The following CSF1 variants were observed in gnomAD, a reference collection of about 807,000 sequenced individuals.
CSF1 encodes macrophage colony-stimulating factor 1.
In CSF1, 9 loss-of-function variants were observed where a neutral mutation model predicts 48.9. That is an observed-to-expected ratio of 0.18 (90% CI 0.11 to 0.32). The LOEUF (loss-of-function observed/expected upper bound fraction) is 0.32, where lower values mean the gene tolerates loss of function less well. CSF1 is among the 10% of genes least tolerant of loss of function. The probability of loss-of-function intolerance (pLI) is 1.00; values close to 1 mark genes in which losing one functional copy is unlikely to be tolerated. For synonymous variants in CSF1, 305 were observed against 284.1 expected, an observed-to-expected ratio of 1.07 and a Z score of -0.74; for missense variants, 672 against 697.9, an observed-to-expected ratio of 0.96 and a Z score of 0.42.
In CSF1 at chr1:109,911,029, C is replaced by T; in HGVS notation, c.6C>T (p.Thr2=). ...GCCGGGACCCAGCTGCCCGTATGAC[C>T]GCGCCGGGCGCCGCCGGGCGCTGCC... M[T]APGAAGRCPP... The change falls in exon 1 of 9, where the codon ACC becomes ACT. Residue 2 remains threonine, a synonymous_variant. Transcript: ENST00000329608. 8.7e-7 allele frequency: 1 copy of T among 1,154,384 alleles called. No individual in the cohort carries two copies. Among genetic ancestry groups the T allele is most frequent in the Non-Finnish European group, 1.1e-6 (1 of 938,624 alleles). 71.5% of individuals were successfully genotyped at this position (1,154,384 alleles called of 1,614,324 possible).
At chr1:109,926,775 C>T (rs1416742391) in intron 8 of CSF1, 1 of 152,214 alleles carries the variant, frequency 6.6e-6, no homozygotes. Context: ...TTTTTAAAAT[C>T]TTATTTTATA....
chr1:109,915,394 C>T (rs568961923), intron 2 of CSF1, among the ~76,000 whole-genome samples: 2 of 152,280 alleles, frequency 1.3e-5, no homozygotes, highest in East Asian at 3.9e-4. Flanking sequence ...GGGCATTTGT[C>T]AGATTTCGTG....
chr1:109,927,371 T>C (rs1363407325), intron 8 of CSF1, among the ~76,000 whole-genome samples: 2 of 152,152 alleles, frequency 1.3e-5, no homozygotes, highest in Admixed American at 6.5e-5. Flanking sequence ...GGGTCTACCT[T>C]GTCAGTGGGG....
chr1:109,924,955 G>T lies in CSF1; in HGVS notation c.1622+127G>T. ...TGGAGCTGCAGAACAGGATGGGGGA[G>T]AGAAGAAGGGCCTCTGTCCTTTCCC... On this transcript the variant is annotated intron_variant, in intron 7 of 8. Transcript: ENST00000329608. The T allele has an allele frequency of 2.8e-6, 3 of 1,054,006 alleles. No homozygotes were observed. The East Asian group carries it at 7.6e-5, about 27-fold the overall frequency. 65.3% of individuals were successfully genotyped at this position (1,054,006 alleles called of 1,614,324 possible).
chr1:109,925,045 G>A, intron 7 of CSF1, 102 bp from the exon 8 acceptor site: 1 of 1,160,570 alleles, frequency 8.6e-7, no homozygotes, highest in Non-Finnish European at 1.3e-6. Flanking sequence ...TTCAATCTGA[G>A]AGGGCCTAGA....
chr1:109,921,803 G>A (rs1184259010), intron 4 of CSF1, 44 bp from the exon 5 acceptor site: 5 of 1,507,130 alleles, frequency 3.3e-6, no homozygotes, highest in African/African-American at 2.8e-5. Context: ...GAGACATGGG[G>A]CCAATGGTCA....
At chr1:109,914,454 C>T in intron 2 of CSF1, 73 bp downstream of exon 2, 1 of 1,492,358 alleles carries the variant, frequency 6.7e-7, no homozygotes, top group Admixed American at 2.2e-5. Context: ...GGGAGCAGGT[C>T]AAAGAGAGCA....
Position 109,923,271 on chromosome 1 carries a change from C to T in CSF1, c.650C>T (p.Pro217Leu). The T allele has an allele frequency of 1.2e-6, 2 of 1,611,922 alleles. No homozygotes were observed. Among genetic ancestry groups the T allele is most frequent in the Non-Finnish European group, 1.7e-6 (2 of 1,178,892 alleles). The change falls in exon 6 of 9, where the codon CCT (proline) becomes CTT (leucine). Residue 217 changes from proline to leucine, a missense_variant. Physicochemically the swap from Pro to Leu is moderately conservative, Grantham distance 98. This residue lies in a region of CSF1 where 591 missense variants were observed against 593.6 expected (regional missense o/e 1.00). Coordinates refer to ENST00000329608, the MANE Select transcript of CSF1 (RefSeq NM_000757.6). The stretch of plus-strand genomic sequence containing the variant: ...CAGCCCCTCGCCCCCTCCATGGCCC[C>T]TGTGGCTGGCTTGACCTGGGAGGAC... Reference protein sequence around the residue: ...PHQPLAPSMAPVAGLTWEDSE... With the variant: ...PHQPLAPSMALVAGLTWEDSE...
intron 3 of CSF1, 74 bp from the exon 4 acceptor site, chr1:109,917,219 C>T: frequency 1.3e-6 from 2 of 1,514,578 alleles, no homozygotes; most frequent in South Asian, 2.5e-5. Context: ...AAGCTGCAAC[C>T]CTCCATCTGC....
chr1:109,912,873 TC>T (rs1395090903), intron 1 of CSF1, among the ~76,000 whole-genome samples: 2 of 151,054 alleles, frequency 1.3e-5, no homozygotes, highest in African/African-American at 4.9e-5. Flanking sequence ...GTGACTGCCG[TC>T]CCCCTCTTCC....
chr1:109,917,654 T>A (rs907698094), intron 4 of CSF1, among the ~76,000 whole-genome samples, 191 bp downstream of exon 4: 4 of 152,190 alleles, frequency 2.6e-5, no homozygotes, highest in Admixed American at 1.3e-4. Context: ...GCCCTGACAA[T>A]GTCATCATGA....
In CSF1 at chr1:109,910,894, C is replaced by T; in HGVS notation, c.-130C>T. On this transcript the variant is annotated 5_prime_UTR_variant, in exon 1 of 9. Transcript: ENST00000329608. Reference sequence around the variant, plus strand: ...TGAAAGTTTGCCTGGGTCCTCTCGGCGCCAGAGCCGCTCTCCGCATCCCAG... The same window carrying T: ...TGAAAGTTTGCCTGGGTCCTCTCGGTGCCAGAGCCGCTCTCCGCATCCCAG... 1 of 598,750 alleles carries T rather than the reference C, an allele frequency of 1.7e-6. No homozygotes were observed. The highest frequency in any genetic ancestry group is 2.2e-6 in the Non-Finnish European group (1 of 455,292). The allele number at this position is 598,750 out of a possible 1,614,324, so 37.1% of individuals were successfully genotyped here. A position where few individuals can be genotyped will look rare whatever the true frequency, so the allele number is the denominator to read the frequency against.
rs749554501 is a variant in CSF1, at chr1:109,924,063, A to T, written c.1442A>T (p.His481Leu). ...TCCGTTCCTTTGACTGACACAGGCCATGAGAGGCAGTCCGAGGGATCCTTC... is the reference window on the plus strand; with the variant it reads ...TCCGTTCCTTTGACTGACACAGGCCTTGAGAGGCAGTCCGAGGGATCCTTC... Reference protein sequence around the residue: ...FNSVPLTDTGHERQSEGSFSP... With the variant: ...FNSVPLTDTGLERQSEGSFSP... The change falls in exon 6 of 9, where the codon CAT becomes CTT. Residue 481 changes from histidine to leucine, a missense_variant. This residue lies in a region of CSF1 where 591 missense variants were observed against 593.6 expected (regional missense o/e 1.00). Transcript: ENST00000329608. 2 of 1,614,226 alleles carry T rather than the reference A, an allele frequency of 1.2e-6. No individual in the cohort carries two copies. Among genetic ancestry groups the T allele is most frequent in the East Asian group, 4.5e-5 (2 of 44,876 alleles).
At chr1:109,919,048 T>C (rs777965183) in intron 4 of CSF1, among the ~76,000 whole-genome samples, 2 of 151,730 alleles carry the variant, frequency 1.3e-5, no homozygotes, top group Non-Finnish European at 2.9e-5. Flanking sequence ...TAAAAAAGCG[T>C]TGAGAAATCA....
At position 109,910,972 on chromosome 1, in the gene CSF1, G is replaced by C. The variant is rs572084516; in HGVS notation, c.-52G>C. ...GCCCACTCCGCAGCAGCCAGCGAGC[G>C]AGCGAGCGAGCGAGGGCGGCCGACG... On this transcript the variant is annotated 5_prime_UTR_variant, in exon 1 of 9. Transcript: ENST00000329608. 5.9e-4 allele frequency: 678 copies of C among 1,154,180 alleles called. 2 individuals carry two copies. The highest frequency in any genetic ancestry group is 1.0e-3 in the Admixed American group (21 of 21,030). The allele number at this position is 1,154,180 out of a possible 1,614,324, so 71.5% of individuals were successfully genotyped here. A position where few individuals can be genotyped will look rare whatever the true frequency, so the allele number is the denominator to read the frequency against.
chr1:109,917,987 AG>A (rs1162459666), intron 4 of CSF1, among the ~76,000 whole-genome samples: 1 of 152,252 alleles, frequency 6.6e-6, no homozygotes, highest in African/African-American at 2.4e-5. Flanking sequence ...AGAGTAAACC[AG>A]GGATGAGACG....
chr1:109,918,183 T>C (rs1024990185), intron 4 of CSF1, among the ~76,000 whole-genome samples: 1 of 152,138 alleles, frequency 6.6e-6, no homozygotes, highest in African/African-American at 2.4e-5. Flanking sequence ...AAGAACATTC[T>C]GGAACAGGAA....
rs1654653467 is a variant in CSF1 at position 109,910,985 on chromosome 1, A to C, written c.-39A>C. 8.6e-6 allele frequency: 10 copies of C among 1,162,992 alleles called. No individual in the cohort carries two copies. The highest frequency in any genetic ancestry group is 1.6e-5 in the African/African-American group (1 of 61,182). The allele number at this position is 1,162,992 out of a possible 1,614,324, so 72.0% of individuals were successfully genotyped here. A position where few individuals can be genotyped will look rare whatever the true frequency, so the allele number is the denominator to read the frequency against. On this transcript the variant is annotated 5_prime_UTR_variant, in exon 1 of 9. Coordinates refer to ENST00000329608, the MANE Select transcript of CSF1 (RefSeq NM_000757.6). Reference sequence around the variant, plus strand: ...CAGCCAGCGAGCGAGCGAGCGAGCGAGGGCGGCCGACGCGCCCGGCCGGGA... The same window carrying C: ...CAGCCAGCGAGCGAGCGAGCGAGCGCGGGCGGCCGACGCGCCCGGCCGGGA...
intron 5 of CSF1, 31 bp downstream of exon 5, chr1:109,922,025 G>A (rs768541401): frequency 6.4e-7 from 1 of 1,560,082 alleles, no homozygotes; most frequent in South Asian, 1.2e-5. Context: ...CAAGTGTGTG[G>A]GGGTGGTAGC....
Sources: allele counts gnomAD v4.1 joint callset (sites outside exome capture counted in the v4.1 genomes callset), GRCh38; gene constraint gnomAD v4.1.1; regional missense constraint gnomAD v4.1.1; transcripts MANE v1.5; gene names NCBI Gene and HGNC (gene_info 2026-07-23, HGNC 2026-07-21).